AMZ2: variants seen among roughly 807,000 people sequenced by gnomAD.
The protein encoded by AMZ2 is archaemetzincin-2.
AMZ2 carries 26 observed loss-of-function variants against 36.7 expected under a neutral mutation model. The observed-to-expected ratio is 0.71, with a 90% CI of 0.52 to 0.98. The LOEUF (loss-of-function observed/expected upper bound fraction) is 0.98, where lower values mean the gene tolerates loss of function less well. Among genes scored for constraint, AMZ2 ranks in the 50% least tolerant of loss-of-function variants. The pLI is 0.00. For missense variants in AMZ2, 394 were observed against 430.5 expected (o/e 0.92, Z 0.75); for synonymous variants, 144 against 149.1 (o/e 0.97, Z 0.25).
At chr17:68,223,246 A>G (rs1364380547) in intron 1 of AMZ2, among the ~76,000 whole-genome samples, 10 of 152,212 alleles carry the variant, frequency 6.6e-5, no homozygotes, top group East Asian at 1.9e-4. Context: ...GGTTGTAAAC[A>G]TAGTCAGTTT....
chr17:68,226,068 C>T (rs558737473), intron 1 of AMZ2, among the ~76,000 whole-genome samples: 16 of 152,208 alleles, frequency 1.1e-4, no homozygotes, highest in African/African-American at 3.1e-4. Context: ...CTGGCTCGCC[C>T]GGGAGCCCTG....
intron 1 of AMZ2, among the ~76,000 whole-genome samples, chr17:68,223,873 A>C: frequency 7.0e-6 from 1 of 143,710 alleles, no homozygotes; most frequent in Non-Finnish European, 1.5e-5. Context: ...GCACCACCAC[A>C]CCCAGCTAAT....
At chr17:68,242,984 C>T (rs1199638935), upstream of AMZ2, among the ~76,000 whole-genome samples, 1 of 146,890 alleles carries the variant, frequency 6.8e-6, no homozygotes, top group Non-Finnish European at 1.5e-5. Flanking sequence ...GTCCAGGCTG[C>T]AGTGAGCCGT....
intron 1 of AMZ2, among the ~76,000 whole-genome samples, chr17:68,234,992 G>A (rs1310031753): frequency 6.6e-6 from 1 of 152,016 alleles, no homozygotes; most frequent in Non-Finnish European, 1.5e-5. Context: ...TCCAGCCTGG[G>A]CAACAAAAGC....
intron 1 of AMZ2, among the ~76,000 whole-genome samples, chr17:68,230,740 A>C (rs1396294683): frequency 5.9e-5 from 9 of 152,166 alleles, no homozygotes; most frequent in Non-Finnish European, 1.2e-4. Context: ...AGGGCCTCTC[A>C]TGCTGCTTAC....
intron 1 of AMZ2, chr17:68,249,146 G>T: frequency 8.7e-7 from 1 of 1,149,884 alleles, no homozygotes; most frequent in South Asian, 4.3e-5. Flanking sequence ...AATGTGACAT[G>T]ACTTTGAGGC....
chr17:68,224,184 C>T (rs2144561652), intron 1 of AMZ2, among the ~76,000 whole-genome samples: 1 of 152,190 alleles, frequency 6.6e-6, no homozygotes, highest in East Asian at 1.9e-4. Context: ...CTCAGGTGAT[C>T]TGCCAGCCTC....
At chr17:68,210,958 G>A (rs80198570) in intron 1 of AMZ2, among the ~76,000 whole-genome samples, 92 of 52,998 alleles carry the variant, frequency 1.7e-3, no homozygotes, top group African/African-American at 4.0e-3. Flanking sequence ...CAAAAAAAAA[G>A]GGGGGGGGGG....
chr17:68,226,415 T>G (rs1416632222), intron 1 of AMZ2, among the ~76,000 whole-genome samples: 3 of 152,104 alleles, frequency 2.0e-5, no homozygotes, highest in Non-Finnish European at 2.9e-5. Context: ...TGGCAACAGG[T>G]TCTTCTCTCC....
chr17:68,248,249 G>T lies in AMZ2; in HGVS notation c.-457G>T. On this transcript the variant is annotated 5_prime_UTR_variant, in exon 1 of 7. Transcript: ENST00000359904. ...GGGGCGGACGTGGCGGAAGCCGCGG[G>T]GTCCGCGGGGTCGGTGCCTCTAGGG... The T allele has an allele frequency of 2.0e-6, 2 of 985,938 alleles. No individual in the cohort carries two copies. Among genetic ancestry groups the T allele is most frequent in the Non-Finnish European group, 2.4e-6 (2 of 830,164 alleles). The allele number at this position is 985,938 out of a possible 1,614,324, so 61.1% of individuals were successfully genotyped here.
chr17:68,247,679 C>G, upstream of AMZ2: 1 of 985,512 alleles, frequency 1.0e-6, no homozygotes, highest in Non-Finnish European at 1.2e-6. Flanking sequence ...TGGTTGCATT[C>G]GTCACGCCGG....
intron 1 of AMZ2, among the ~76,000 whole-genome samples, chr17:68,222,755 T>G (rs574215220): frequency 6.6e-6 from 1 of 152,242 alleles, no homozygotes; most frequent in Admixed American, 6.5e-5. Context: ...ACCGCTGATC[T>G]GACAGGAGGC....
chr17:68,226,818 T>C (rs1261006033), intron 1 of AMZ2, among the ~76,000 whole-genome samples: 1 of 151,850 alleles, frequency 6.6e-6, no homozygotes, highest in Non-Finnish European at 1.5e-5. Context: ...CTCTGTGTGC[T>C]GGGTGGGGAA....
At chr17:68,242,245 T>C (rs1255820865) in intron 1 of AMZ2, among the ~76,000 whole-genome samples, 1 of 152,162 alleles carries the variant, frequency 6.6e-6, no homozygotes, top group South Asian at 2.1e-4. Context: ...GAAGCTGTTA[T>C]GCCTCAGGGT....
chr17:68,232,223 G>A (rs1312050173), intron 1 of AMZ2, among the ~76,000 whole-genome samples: 4 of 151,710 alleles, frequency 2.6e-5, no homozygotes, highest in Non-Finnish European at 5.9e-5. Flanking sequence ...AGGGCTGGAC[G>A]TGATGTCTCA....
intron 1 of AMZ2, among the ~76,000 whole-genome samples, chr17:68,210,957 A>AGGG (rs71142141): frequency 2.8e-4 from 33 of 117,850 alleles, no homozygotes; most frequent in African/African-American, 1.1e-3. Context: ...TCAAAAAAAA[A>AGGG]GGGGGGGGGG....
intron 5 of AMZ2, 128 bp from the exon 6 acceptor site, chr17:68,255,572 A>G: frequency 1.1e-6 from 1 of 935,176 alleles, no homozygotes; most frequent in Non-Finnish European, 1.6e-6. Context: ...AGGTCTGGAC[A>G]GGGTGAAGTT....
At chr17:68,230,410 C>T (rs1249039217) in intron 1 of AMZ2, among the ~76,000 whole-genome samples, 1 of 152,218 alleles carries the variant, frequency 6.6e-6, no homozygotes, top group Non-Finnish European at 1.5e-5. Flanking sequence ...CTGAAGTGAG[C>T]CCCTCCATGC....
chr17:68,209,212 T>C (rs2072940022), intron 1 of AMZ2, among the ~76,000 whole-genome samples: 1 of 146,328 alleles, frequency 6.8e-6, no homozygotes, highest in South Asian at 2.2e-4. Context: ...TTTTTTTTTT[T>C]TGATGGAGTC....
Sources: gnomAD v4.1 joint callset for allele counts (sites outside exome capture counted in the v4.1 genomes callset) on GRCh38, gnomAD v4.1.1 for gene constraint, MANE v1.5 for transcripts, NCBI Gene and HGNC (gene_info 2026-07-23, HGNC 2026-07-21) for gene names.